Variants in EIF3B observed in about 807,000 individuals in gnomAD.
The protein encoded by EIF3B is eukaryotic translation initiation factor 3 subunit 9.
A neutral mutation model predicts 104.6 loss-of-function variants in EIF3B; 10 were observed. The ratio of observed to expected loss-of-function variants is 0.10; its 90% CI spans 0.06 to 0.16. EIF3B has a LOEUF of 0.16. Among genes scored for constraint, EIF3B ranks in the 10% least tolerant of loss-of-function variants. The pLI is 1.00. For missense variants in EIF3B, 1,014 were observed against 1,087.9 expected, an observed-to-expected ratio of 0.93 and a Z score of 0.96; for synonymous variants, 542 against 417.2, an observed-to-expected ratio of 1.30 and a Z score of -3.65.
At chr7:2,371,657 C>G (rs1385549970) in intron 10 of EIF3B, 120 bp from the exon 11 acceptor site, 3 of 788,144 alleles carry the variant, frequency 3.8e-6, no homozygotes, top group South Asian at 1.5e-5. Context: ...ACTGCACATG[C>G]TCGTGTGTGA....
rs541244524 is a variant in EIF3B at position 2,367,206 on chromosome 7, G to A, written c.1403+161G>A. On this transcript the variant is annotated intron_variant, in intron 9 of 18. Transcript: ENST00000360876. ...TTGGGAGCTTGAGGTCAGGGTGCCT[G>A]CAGACTGTCTGGTGACGGCCCACCT... 2.4e-5 allele frequency: 16 copies of A among 653,848 alleles called. No individual in the cohort carries two copies. In the South Asian group the frequency reaches 3.5e-4, roughly 14 times the overall value. The allele number at this position is 653,848 out of a possible 1,614,324, so 40.5% of individuals were successfully genotyped here. A position where few individuals can be genotyped will look rare whatever the true frequency, so the allele number is the denominator to read the frequency against.
At chr7:2,378,843 T>C in intron 16 of EIF3B, 77 bp downstream of exon 16, 1 of 1,297,492 alleles carries the variant, frequency 7.7e-7, no homozygotes, top group Non-Finnish European at 1.1e-6. Flanking sequence ...GGGGAGCTGC[T>C]GTGTATGTGC....
intron 13 of EIF3B, chr7:2,375,075 G>A (rs1278740931): frequency 2.9e-5 from 12 of 412,326 alleles, no homozygotes; most frequent in Non-Finnish European, 4.9e-5. Flanking sequence ...TGAGTTAAAA[G>A]AATACCCTTT....
At chr7:2,369,408 T>C (rs2115315880) in intron 9 of EIF3B, 64 bp from the exon 10 acceptor site, 1 of 1,540,170 alleles carries the variant, frequency 6.5e-7, no homozygotes, top group Non-Finnish European at 9.0e-7. Context: ...TTCTATTCTC[T>C]TCTGCTTTTC....
intron 1 of EIF3B, among the ~76,000 whole-genome samples, chr7:2,356,670 C>T (rs1004220964): frequency 1.3e-5 from 2 of 151,264 alleles, no homozygotes; most frequent in Non-Finnish European, 2.9e-5. Flanking sequence ...TGTGCTGGTG[C>T]ACACCTGTAG....
At chr7:2,359,674 C>T (rs544264806) in intron 1 of EIF3B, among the ~76,000 whole-genome samples, 1 of 152,220 alleles carries the variant, frequency 6.6e-6, no homozygotes, top group African/African-American at 2.4e-5. Context: ...TGTAGCCTGT[C>T]GGTCAGAACC....
chr7:2,355,515 G>A (rs1249059219), intron 1 of EIF3B, 95 bp downstream of exon 1: 1 of 1,385,236 alleles, frequency 7.2e-7, no homozygotes, highest in African/African-American at 1.5e-5. Context: ...ACCGGTTCGT[G>A]CAGAAGTTCC....
At chr7:2,370,061 G>T (rs1259779248) in intron 10 of EIF3B, among the ~76,000 whole-genome samples, 1 of 152,150 alleles carries the variant, frequency 6.6e-6, no homozygotes, top group Non-Finnish European at 1.5e-5. Flanking sequence ...ACAGGCGTGA[G>T]CCACCGTGCC....
At chr7:2,360,177 A>G (rs1377061763) in intron 1 of EIF3B, among the ~76,000 whole-genome samples, 1 of 152,186 alleles carries the variant, frequency 6.6e-6, no homozygotes, top group Non-Finnish European at 1.5e-5. Context: ...TTCACTCGAG[A>G]GAGGGTTCCT....
intron 5 of EIF3B, 78 bp downstream of exon 5, chr7:2,363,838 A>C: frequency 6.7e-7 from 1 of 1,503,420 alleles, no homozygotes; most frequent in Non-Finnish European, 8.9e-7. Flanking sequence ...TGTTTCTATC[A>C]GAAAACTGGA....
Position 2,379,428 on chromosome 7 carries a change from C to T in EIF3B, c.2376C>T (p.Asp792=), listed in dbSNP as rs146207412. The T allele has an allele frequency of 8.2e-6, 13 of 1,593,754 alleles. No homozygotes were observed. The highest frequency in any genetic ancestry group is 4.0e-5 in the African/African-American group (3 of 74,620). ...CTGACGAGCTGGACAGCAACGTGGA[C>T]GACTGGGAAGAGGAGACCATTGAGT... ...VDTDELDSNV[D]DWEEETIEFF... is the part of the protein sequence containing the mutation. The change falls in exon 18 of 19, where the codon GAC becomes GAT. Residue 792 remains aspartate (D), a synonymous_variant. Coordinates refer to ENST00000360876, the MANE Select transcript of EIF3B (RefSeq NM_001037283.2).
At chr7:2,378,664 C>T (rs761501133) in intron 15 of EIF3B, 25 bp from the exon 16 acceptor site, 1 of 1,602,046 alleles carries the variant, frequency 6.2e-7, no homozygotes, top group African/African-American at 1.3e-5. Context: ...ATGTTAAATC[C>T]TGAGTGATGG....
chr7:2,364,880 T>C (rs1193551720), intron 6 of EIF3B, among the ~76,000 whole-genome samples: 1 of 152,252 alleles, frequency 6.6e-6, no homozygotes, highest in African/African-American at 2.4e-5. Context: ...ATATTCTGAT[T>C]TTGTTACTTG....
chr7:2,365,084 CG>C (rs1779934760), intron 6 of EIF3B, among the ~76,000 whole-genome samples: 1 of 152,218 alleles, frequency 6.6e-6, no homozygotes. Context: ...TCCTGAGTAG[CG>C]GGGACCGCAG....
chr7:2,373,756 C>T (rs193030895), intron 12 of EIF3B: 3 of 152,346 alleles, frequency 2.0e-5, no homozygotes, highest in East Asian at 1.9e-4. Flanking sequence ...TCCAAACATG[C>T]TGCGTGACAC....
intron 1 of EIF3B, among the ~76,000 whole-genome samples, chr7:2,357,284 C>T (rs1351689980): frequency 6.6e-6 from 1 of 152,148 alleles, no homozygotes; most frequent in Non-Finnish European, 1.5e-5. Context: ...CCACGTGGCC[C>T]TGAAGGTGCA....
rs1222896037 is a variant in EIF3B at position 2,375,529 on chromosome 7, T to TGCA, written c.2028+4_2028+6dup. The stretch of plus-strand genomic sequence containing the variant: ...TCTGTGTCCTGGTGGAGCCATAAGG[T>TGCA]GCAGGCCTGTGGGGCATAGTTTTGA... On this transcript the variant is annotated splice_region_variant and intron_variant, in intron 14 of 18. Transcript: ENST00000360876. The TGCA allele has an allele frequency of 6.2e-7, 1 of 1,614,098 alleles. No individual in the cohort carries two copies. Among genetic ancestry groups the TGCA allele is most frequent in the South Asian group, 1.1e-5 (1 of 91,080 alleles).
In EIF3B at chr7:2,372,655, C is replaced by G. The variant is rs1351114085; in HGVS notation, c.1688-18C>G. ...CTGAATTGACCAAAAAGGGAGGGGT[C>G]TGTTTTGTGCATTTTAGAAACCATC... On this transcript the variant is annotated intron_variant, in intron 11 of 18. Transcript: ENST00000360876. 4 of 1,612,248 alleles carry G rather than the reference C, an allele frequency of 2.5e-6. No homozygotes were observed. The highest frequency in any genetic ancestry group is 3.4e-6 in the Non-Finnish European group (4 of 1,178,788).
intron 8 of EIF3B, 122 bp from the exon 9 acceptor site, chr7:2,366,875 CTG>C (rs1583164913): frequency 9.6e-7 from 1 of 1,041,776 alleles, no homozygotes; most frequent in East Asian, 2.4e-5. Flanking sequence ...CTGTCACGCT[CTG>C]TGTGCACTGC....
Sources: gnomAD v4.1 joint callset for allele counts (sites outside exome capture counted in the v4.1 genomes callset) on GRCh38, gnomAD v4.1.1 for gene constraint, MANE v1.5 for transcripts, NCBI Gene and HGNC (gene_info 2026-07-23, HGNC 2026-07-21) for gene names.